Variants in ZBTB20 observed in about 807,000 individuals in gnomAD.
ZBTB20 encodes zinc finger and BTB domain containing 20.
ZBTB20 carries 9 observed loss-of-function variants against 56.9 expected under a neutral mutation model. The observed-to-expected ratio is 0.16, with a 90% CI of 0.10 to 0.28. ZBTB20 has a LOEUF of 0.28. ZBTB20 is among the 10% of genes least tolerant of loss of function. ZBTB20 has a pLI of 1.00. For synonymous variants in ZBTB20, 417 were observed against 420.7 expected (o/e 0.99, Z 0.11); for missense variants, 655 against 1,003.0 (o/e 0.65, Z 4.69).
intron 3 of ZBTB20, among the ~76,000 whole-genome samples, chr3:114,924,312 A>G (rs1263908690): frequency 1.3e-5 from 2 of 152,350 alleles, no homozygotes; most frequent in Middle Eastern, 3.4e-3. Context: ...CTAAGTATCC[A>G]TCAATGGGTA....
intron 3 of ZBTB20, among the ~76,000 whole-genome samples, chr3:114,967,284 T>C (rs568967004): frequency 1.3e-5 from 2 of 152,222 alleles, no homozygotes; most frequent in South Asian, 2.1e-4. Context: ...TTATACTTGG[T>C]GTTATTTTCA....
intron 3 of ZBTB20, among the ~76,000 whole-genome samples, chr3:114,901,895 T>A (rs2075135209): frequency 6.6e-6 from 1 of 152,134 alleles, no homozygotes; most frequent in Admixed American, 6.5e-5. Flanking sequence ...TGATTTTAAT[T>A]TTTTCTTTTT....
intron 7 of ZBTB20, among the ~76,000 whole-genome samples, chr3:114,492,214 C>A (rs1182048833): frequency 6.6e-6 from 1 of 152,200 alleles, no homozygotes; most frequent in Non-Finnish European, 1.5e-5. Context: ...CCAACAGATT[C>A]ATTTACCACT....
chr3:114,862,127 T>C (rs1576148550), intron 4 of ZBTB20, among the ~76,000 whole-genome samples: 1 of 152,232 alleles, frequency 6.6e-6, no homozygotes, highest in East Asian at 1.9e-4. Flanking sequence ...ATCATAATTT[T>C]AGTAGCAATA....
chr3:114,380,918 T>A lies in ZBTB20; in HGVS notation c.-131A>T. The A allele has an allele frequency of 1.5e-6, 1 of 646,034 alleles. No individual in the cohort carries two copies. Among genetic ancestry groups the A allele is most frequent in the Non-Finnish European group, 2.3e-6 (1 of 430,990 alleles). 40.0% of individuals were successfully genotyped at this position (646,034 alleles called of 1,614,324 possible). A position where few individuals can be genotyped will look rare whatever the true frequency, so the allele number is the denominator to read the frequency against. On this transcript the variant is annotated 5_prime_UTR_variant, in exon 9 of 12. Coordinates refer to ENST00000675478, the MANE Select transcript of ZBTB20 (RefSeq NM_001348800.3). ...GTGGCCTTGGGCACCTCACTTCACC[T>A]CTCTGGGCTTCAGTTTCCTCATCTG...
intron 1 of ZBTB20, among the ~76,000 whole-genome samples, chr3:115,126,045 T>C (rs1423784942): frequency 6.6e-6 from 1 of 152,060 alleles, no homozygotes; most frequent in Non-Finnish European, 1.5e-5. Context: ...AAAATAGGTA[T>C]AAGAACCACC....
At chr3:114,736,524 G>A (rs1203564507) in intron 5 of ZBTB20, among the ~76,000 whole-genome samples, 2 of 152,002 alleles carry the variant, frequency 1.3e-5, no homozygotes, top group Admixed American at 1.3e-4. Context: ...CGTTCATTTT[G>A]GTAGTTCTGC....
intron 2 of ZBTB20, among the ~76,000 whole-genome samples, chr3:115,054,036 TC>T (rs1208667068): frequency 6.6e-6 from 1 of 152,094 alleles, no homozygotes; most frequent in Non-Finnish European, 1.5e-5. Context: ...TAATCCATTG[TC>T]CCCCATTAGT....
chr3:115,116,271 T>A (rs927036794), intron 1 of ZBTB20, among the ~76,000 whole-genome samples: 2 of 152,074 alleles, frequency 1.3e-5, no homozygotes, highest in Non-Finnish European at 2.9e-5. Flanking sequence ...CCCAGCTCTA[T>A]CTGGGCATAT....
intron 7 of ZBTB20, among the ~76,000 whole-genome samples, chr3:114,443,094 A>C (rs972989255): frequency 6.6e-6 from 1 of 152,176 alleles, no homozygotes; most frequent in African/African-American, 2.4e-5. Flanking sequence ...GCTATCAAAA[A>C]GATCTCACTG....
Position 114,418,450 on chromosome 3 carries a change from T to C in ZBTB20, c.-254-29345A>G, listed in dbSNP as rs566838274. On this transcript the variant is annotated intron_variant, in intron 7 of 11. Transcript: ENST00000675478. ...TTGTGGCCATACATTCACTTAGTGA[T>C]ATCTTACACACAATAGGCTCTCAAT... is the stretch of plus-strand genomic sequence containing the variant. 3.3e-5 allele frequency among the ~76,000 whole-genome samples: 5 copies of C among 152,142 alleles called. No homozygotes were observed. The East Asian group carries it at 9.7e-4, about 29-fold the overall frequency.
At chr3:114,504,550 T>C (rs528430362) in intron 6 of ZBTB20, among the ~76,000 whole-genome samples, 1 of 152,352 alleles carries the variant, frequency 6.6e-6, no homozygotes, top group Admixed American at 6.5e-5. Context: ...AGAAAACAGA[T>C]ACTGTTCTTG....
chr3:114,767,983 A>G (rs2068901961), intron 5 of ZBTB20, among the ~76,000 whole-genome samples: 1 of 150,456 alleles, frequency 6.6e-6, no homozygotes, highest in South Asian at 2.1e-4. Context: ...TAGATAAAAT[A>G]TAAAGTATAT....
chr3:114,636,857 T>C (rs2059302570), intron 6 of ZBTB20, among the ~76,000 whole-genome samples: 1 of 151,922 alleles, frequency 6.6e-6, no homozygotes, highest in African/African-American at 2.4e-5. Flanking sequence ...AATCAAAAGA[T>C]ACAAACTGGC....
intron 3 of ZBTB20, among the ~76,000 whole-genome samples, chr3:114,932,206 A>C (rs1174803346): frequency 1.3e-5 from 2 of 152,206 alleles, no homozygotes; most frequent in Admixed American, 6.5e-5. Context: ...GTTATGGATC[A>C]CCTGTAACCA....
chr3:114,818,162 T>C (rs1245329636), intron 4 of ZBTB20, among the ~76,000 whole-genome samples: 1 of 151,892 alleles, frequency 6.6e-6, no homozygotes, highest in Non-Finnish European at 1.5e-5. Context: ...TTCTGAGGCA[T>C]TATAAACTTT....
intron 2 of ZBTB20, among the ~76,000 whole-genome samples, chr3:114,999,339 G>T (rs897785597): frequency 6.6e-6 from 1 of 151,524 alleles, no homozygotes; most frequent in African/African-American, 2.4e-5. Context: ...AAAACAGAAA[G>T]AATGGAAGGA....
At chr3:114,984,931 C>T (rs1450080833) in intron 2 of ZBTB20, among the ~76,000 whole-genome samples, 2 of 151,934 alleles carry the variant, frequency 1.3e-5, no homozygotes, top group South Asian at 2.1e-4. Context: ...GGCTTTTGAA[C>T]ACGCTTTTCT....
At chr3:114,393,403 A>C (rs1167194758) in intron 7 of ZBTB20, among the ~76,000 whole-genome samples, 1 of 152,256 alleles carries the variant, frequency 6.6e-6, no homozygotes, top group Non-Finnish European at 1.5e-5. Context: ...TGTGCATTTT[A>C]TAATTAATAC....
Sources: gnomAD v4.1 joint callset for allele counts (sites outside exome capture counted in the v4.1 genomes callset) on GRCh38, gnomAD v4.1.1 for gene constraint, MANE v1.5 for transcripts, NCBI Gene and HGNC (gene_info 2026-07-23, HGNC 2026-07-21) for gene names.